PPP1R14C: variants seen among roughly 807,000 people sequenced by gnomAD.
The protein encoded by PPP1R14C is protein phosphatase 1 regulatory inhibitor subunit 14C.
A neutral mutation model predicts 20.4 loss-of-function variants in PPP1R14C; 16 were observed. The observed-to-expected ratio is 0.78, with a 90% CI of 0.53 to 1.19. The LOEUF (loss-of-function observed/expected upper bound fraction) is 1.19, where lower values mean the gene tolerates loss of function less well. Among genes scored for constraint, PPP1R14C ranks in the 50% most tolerant of loss-of-function variants. The pLI is 0.00. For synonymous variants in PPP1R14C, 91 were observed against 91.0 expected (o/e 1.00, Z 0.00); for missense variants, 211 against 220.1 (o/e 0.96, Z 0.26).
intron 1 of PPP1R14C, among the ~76,000 whole-genome samples, chr6:150,170,450 G>A (rs1347920563): frequency 1.3e-5 from 2 of 152,032 alleles, no homozygotes; most frequent in Non-Finnish European, 2.9e-5. Context: ...AGGCTCCTGA[G>A]TAGCTGGACT....
intron 1 of PPP1R14C, among the ~76,000 whole-genome samples, chr6:150,183,280 CATCCCTGAAATT>C (rs1777642075): frequency 6.6e-6 from 1 of 151,848 alleles, no homozygotes; most frequent in Admixed American, 6.6e-5. Flanking sequence ...TTAGTACAAT[CATCCCTGAAATT>C]ATAAAGAGGA....
At chr6:150,203,482 G>A (rs1474587665) in intron 1 of PPP1R14C, among the ~76,000 whole-genome samples, 1 of 152,174 alleles carries the variant, frequency 6.6e-6, no homozygotes, top group Non-Finnish European at 1.5e-5. Context: ...TCCTCTCAGT[G>A]TCTTCCAAGC....
chr6:150,174,420 G>A (rs1047068699), intron 1 of PPP1R14C, among the ~76,000 whole-genome samples: 2 of 151,696 alleles, frequency 1.3e-5, no homozygotes, highest in Non-Finnish European at 2.9e-5. Context: ...GTTTCACCGT[G>A]TTAGCCAGGA....
chr6:150,226,023 G>A (rs140703976), intron 3 of PPP1R14C, among the ~76,000 whole-genome samples: 102 of 152,232 alleles, frequency 6.7e-4, no homozygotes, highest in Non-Finnish European at 1.1e-3. Context: ...TTGGGTCTAC[G>A]GCTTCATCCT....
intron 1 of PPP1R14C, among the ~76,000 whole-genome samples, chr6:150,154,094 G>A (rs541694570): frequency 2.6e-5 from 4 of 152,298 alleles, no homozygotes; most frequent in Non-Finnish European, 4.4e-5. Context: ...CAGTTATTTC[G>A]TACATAGTGG....
chr6:150,145,741 A>G (rs17512661), intron 1 of PPP1R14C, among the ~76,000 whole-genome samples: 33,058 of 152,228 alleles, frequency 0.22, 3,802 homozygotes, highest in Middle Eastern at 0.36. Flanking sequence ...TGTCCTTTTT[A>G]TACTTAAAAG....
At chr6:150,170,638 G>GC (rs1777487778) in intron 1 of PPP1R14C, among the ~76,000 whole-genome samples, 1 of 152,040 alleles carries the variant, frequency 6.6e-6, no homozygotes, top group Non-Finnish European at 1.5e-5. Context: ...TACCTTTTAA[G>GC]CACCCGTGAT....
At chr6:150,153,022 G>A (rs767716227) in intron 1 of PPP1R14C, among the ~76,000 whole-genome samples, 177 of 152,298 alleles carry the variant, frequency 1.2e-3, no homozygotes, top group Non-Finnish European at 1.5e-3. Context: ...CCATGCAAGG[G>A]CACAGCGTGA....
At chr6:150,227,164 G>A (rs1778240062) in intron 3 of PPP1R14C, among the ~76,000 whole-genome samples, 1 of 152,194 alleles carries the variant, frequency 6.6e-6, no homozygotes, top group South Asian at 2.1e-4. Context: ...TTACAGTGTA[G>A]AGAGAATATA....
intron 3 of PPP1R14C, among the ~76,000 whole-genome samples, chr6:150,239,244 A>T (rs1050491028): frequency 3.9e-5 from 6 of 152,210 alleles, no homozygotes; most frequent in Admixed American, 2.0e-4. Context: ...GGCTGTATAA[A>T]GGTAGTGGTG....
intron 1 of PPP1R14C, among the ~76,000 whole-genome samples, chr6:150,207,098 C>T (rs1236310928): frequency 1.3e-5 from 2 of 152,042 alleles, no homozygotes; most frequent in African/African-American, 4.8e-5. Context: ...CTCCAGACCT[C>T]ATGATCTGCC....
intron 1 of PPP1R14C, among the ~76,000 whole-genome samples, chr6:150,199,944 G>C (rs1777856046): frequency 6.6e-6 from 1 of 151,970 alleles, no homozygotes; most frequent in African/African-American, 2.4e-5. Context: ...GATGGACTAA[G>C]TCAGATACGC....
At chr6:150,172,754 G>A (rs1449510683) in intron 1 of PPP1R14C, among the ~76,000 whole-genome samples, 4 of 152,256 alleles carry the variant, frequency 2.6e-5, no homozygotes, top group South Asian at 2.1e-4. Context: ...TGTAACTGAT[G>A]TGGGGAGACC....
intron 1 of PPP1R14C, among the ~76,000 whole-genome samples, chr6:150,155,796 G>A (rs1003821412): frequency 4.6e-5 from 7 of 151,826 alleles, no homozygotes; most frequent in East Asian, 1.9e-4. Flanking sequence ...AGGCTGAGGC[G>A]GGTGGATCAC....
chr6:150,199,346 G>A (rs1013275925), intron 1 of PPP1R14C, among the ~76,000 whole-genome samples: 1 of 152,130 alleles, frequency 6.6e-6, no homozygotes, highest in Non-Finnish European at 1.5e-5. Context: ...TTAAGAGGTG[G>A]CCCTTTAAGA....
intron 1 of PPP1R14C, among the ~76,000 whole-genome samples, chr6:150,164,848 G>A (rs1214249985): frequency 2.6e-5 from 4 of 152,210 alleles, no homozygotes; most frequent in Non-Finnish European, 5.9e-5. Flanking sequence ...TATTGGGAGA[G>A]GGGCCTTTCG....
intron 1 of PPP1R14C, among the ~76,000 whole-genome samples, chr6:150,156,713 A>T (rs779799742): frequency 6.6e-6 from 1 of 152,246 alleles, no homozygotes; most frequent in East Asian, 1.9e-4. Flanking sequence ...GTGCTAAAAC[A>T]TGATTATGCT....
intron 1 of PPP1R14C, among the ~76,000 whole-genome samples, chr6:150,191,826 T>G (rs548273948): frequency 6.6e-6 from 1 of 152,244 alleles, no homozygotes; most frequent in South Asian, 2.1e-4. Flanking sequence ...AATTCAAAGG[T>G]GAGACTTTAA....
chr6:150,161,067 G>A (rs1777361521), intron 1 of PPP1R14C, among the ~76,000 whole-genome samples: 1 of 152,098 alleles, frequency 6.6e-6, no homozygotes, highest in Non-Finnish European at 1.5e-5. Context: ...ATCGCCTGAG[G>A]TCAGGAGTTC....
Sources: allele counts gnomAD v4.1 joint callset (sites outside exome capture counted in the v4.1 genomes callset), GRCh38; gene constraint gnomAD v4.1.1; transcripts MANE v1.5; gene names NCBI Gene and HGNC (gene_info 2026-07-23, HGNC 2026-07-21).